The following SOX5 variants were observed in gnomAD, a reference collection of about 807,000 sequenced individuals.
SOX5 encodes the protein transcription factor SOX-5.
In SOX5, 9 loss-of-function variants were observed where a neutral mutation model predicts 92.0. That is an observed-to-expected ratio of 0.10 (90% CI 0.06 to 0.17). The LOEUF (loss-of-function observed/expected upper bound fraction) is 0.17. Among genes scored for constraint, SOX5 ranks in the 10% least tolerant of loss-of-function variants. The probability of loss-of-function intolerance (pLI) is 1.00; values close to 1 mark genes in which losing one functional copy is unlikely to be tolerated. For missense variants in SOX5, 642 were observed against 944.5 expected, an observed-to-expected ratio of 0.68 and a Z score of 4.20; for synonymous variants, 344 against 336.3, an observed-to-expected ratio of 1.02 and a Z score of -0.25.
intron 6 of SOX5, among the ~76,000 whole-genome samples, chr12:23,710,539 C>T (rs921361795): frequency 2.0e-5 from 3 of 152,086 alleles, no homozygotes; most frequent in Admixed American, 2.0e-4. Context: ...TGGTTTCCAG[C>T]TTCATCCATG....
At chr12:23,919,384 T>C (rs756589396) in intron 1 of SOX5, among the ~76,000 whole-genome samples, 1 of 152,062 alleles carries the variant, frequency 6.6e-6, no homozygotes, top group Non-Finnish European at 1.5e-5. Context: ...TGACCTTTGG[T>C]TTAATGTGAA....
chr12:24,034,250 C>T (rs186261135), intron 4 of SOX5, among the ~76,000 whole-genome samples: 1 of 152,116 alleles, frequency 6.6e-6, no homozygotes, highest in East Asian at 1.9e-4. Flanking sequence ...TCCCTTCTCT[C>T]TCATTTCTCT....
chr12:24,169,642 T>C (rs970928929), intron 4 of SOX5, among the ~76,000 whole-genome samples: 5 of 152,130 alleles, frequency 3.3e-5, no homozygotes, highest in African/African-American at 7.2e-5. Context: ...AGGCTAAAGA[T>C]AGAAAATTAG....
intron 1 of SOX5, among the ~76,000 whole-genome samples, chr12:24,545,054 C>T (rs1231863135): frequency 2.0e-5 from 3 of 152,110 alleles, no homozygotes; most frequent in African/African-American, 7.2e-5. Flanking sequence ...TAGGAGAGCA[C>T]TGACTTAGAC....
intron 9 of SOX5, among the ~76,000 whole-genome samples, chr12:23,594,979 A>G (rs1952139697): frequency 6.6e-6 from 1 of 152,090 alleles, no homozygotes; most frequent in Non-Finnish European, 1.5e-5. Flanking sequence ...CCAGCACACT[A>G]TCTTTGACCA....
At chr12:24,054,530 A>G (rs187480640) in intron 4 of SOX5, among the ~76,000 whole-genome samples, 3 of 152,298 alleles carry the variant, frequency 2.0e-5, no homozygotes, top group Admixed American at 2.0e-4. Flanking sequence ...GGTAACAACA[A>G]TAATTTTTAA....
chr12:23,910,636 A>T (rs1484250583), intron 1 of SOX5, among the ~76,000 whole-genome samples: 1 of 152,120 alleles, frequency 6.6e-6, no homozygotes, highest in Non-Finnish European at 1.5e-5. Flanking sequence ...TCATCTGTTA[A>T]GTTAGTTCTA....
intron 1 of SOX5, among the ~76,000 whole-genome samples, chr12:24,370,986 GT>G (rs1356194446): frequency 3.9e-5 from 6 of 152,136 alleles, no homozygotes; most frequent in Non-Finnish European, 8.8e-5. Flanking sequence ...ATATGCTCAG[GT>G]TAATGCCCAG....
intron 4 of SOX5, among the ~76,000 whole-genome samples, chr12:24,207,998 GC>G (rs1434969966): frequency 6.6e-6 from 1 of 152,068 alleles, no homozygotes; most frequent in Admixed American, 6.5e-5. Context: ...AAAACAAACT[GC>G]TTTTTGTGAT....
intron 4 of SOX5, among the ~76,000 whole-genome samples, chr12:24,147,582 A>AT (rs1951213411): frequency 6.6e-6 from 1 of 152,204 alleles, no homozygotes; most frequent in Non-Finnish European, 1.5e-5. Flanking sequence ...TAAAGCAAGA[A>AT]TAAGCACTAA....
intron 3 of SOX5, among the ~76,000 whole-genome samples, chr12:24,244,450 G>T (rs1040750953): frequency 6.6e-6 from 1 of 152,172 alleles, no homozygotes; most frequent in Non-Finnish European, 1.5e-5. Context: ...TGCACCAGCT[G>T]CAGTCCCTGG....
At chr12:24,268,568 T>C (rs1287994229) in intron 3 of SOX5, among the ~76,000 whole-genome samples, 1 of 152,302 alleles carries the variant, frequency 6.6e-6, no homozygotes, top group Non-Finnish European at 1.5e-5. Context: ...GATCATATAA[T>C]GAATTATTAA....
At chr12:24,069,583 C>A (rs985669133) in intron 4 of SOX5, among the ~76,000 whole-genome samples, 1 of 152,188 alleles carries the variant, frequency 6.6e-6, no homozygotes, top group Non-Finnish European at 1.5e-5. Flanking sequence ...ATCAGTGTAT[C>A]TGCACAGGGA....
intron 2 of SOX5, among the ~76,000 whole-genome samples, chr12:24,350,526 T>C (rs1228852294): frequency 1.3e-5 from 2 of 152,100 alleles, no homozygotes; most frequent in East Asian, 3.9e-4. Context: ...GTATTTCTTA[T>C]AGAGATGGGT....
At chr12:23,978,458 G>C (rs140651979) in intron 4 of SOX5, among the ~76,000 whole-genome samples, 1 of 152,312 alleles carries the variant, frequency 6.6e-6, no homozygotes, top group African/African-American at 2.4e-5. Flanking sequence ...CATGAGACCA[G>C]AGATGTGATA....
Position 23,826,488 on chromosome 12 carries a change from A to G in SOX5, c.481+19495T>C, listed in dbSNP as rs17475255. ...ACATGAGCAAACACGTCTAATTCCT[A>G]TCCCATTTACTTGGATATGGATGCT... On this transcript the variant is annotated intron_variant, in intron 3 of 14. Coordinates refer to ENST00000451604, the MANE Select transcript of SOX5 (RefSeq NM_006940.6). Among the ~76,000 whole-genome samples the G allele has an allele frequency of 8.2e-3, 1,249 of 152,246 alleles. 9 individuals carry two copies. Among genetic ancestry groups the G allele is most frequent in the Middle Eastern group, 0.027 (8 of 294 alleles).
chr12:24,003,470 A>C (rs912949786), intron 4 of SOX5, among the ~76,000 whole-genome samples: 2 of 152,090 alleles, frequency 1.3e-5, no homozygotes, highest in Admixed American at 6.6e-5. Context: ...TGCCAAATAC[A>C]AGATCAATAA....
intron 13 of SOX5, among the ~76,000 whole-genome samples, chr12:23,539,234 C>T (rs1446887444): frequency 1.3e-5 from 2 of 152,028 alleles, no homozygotes; most frequent in Non-Finnish European, 2.9e-5. Flanking sequence ...CCTTGGAATG[C>T]GAGAGCTGTT....
intron 2 of SOX5, among the ~76,000 whole-genome samples, chr12:24,308,808 G>A (rs994017005): frequency 3.9e-5 from 6 of 152,170 alleles, no homozygotes; most frequent in Non-Finnish European, 7.3e-5. Flanking sequence ...AAGCTGAAAC[G>A]TCTACCTATG....
Sources: gnomAD v4.1 joint callset for allele counts (sites outside exome capture counted in the v4.1 genomes callset) on GRCh38, gnomAD v4.1.1 for gene constraint, MANE v1.5 for transcripts, NCBI Gene and HGNC (gene_info 2026-07-23, HGNC 2026-07-21) for gene names.